The following CERK variants were observed in gnomAD, a reference collection of about 807,000 sequenced individuals.
CERK encodes the protein acylsphingosine kinase.
A neutral mutation model predicts 63.4 loss-of-function variants in CERK; 39 were observed. That is an observed-to-expected ratio of 0.61 (90% CI 0.48 to 0.80). The LOEUF (loss-of-function observed/expected upper bound fraction) is 0.80, where lower values mean the gene tolerates loss of function less well. Among genes scored for constraint, CERK ranks in the 30% least tolerant of loss-of-function variants. The pLI is 0.00. For synonymous variants in CERK, 302 were observed against 280.0 expected, an observed-to-expected ratio of 1.08 and a Z score of -0.78; for missense variants, 670 against 714.1, an observed-to-expected ratio of 0.94 and a Z score of 0.70.
intron 3 of CERK, 63 bp downstream of exon 3, chr22:46,720,022 CA>C (rs1290754876): frequency 6.4e-7 from 1 of 1,572,024 alleles, no homozygotes; most frequent in Non-Finnish European, 8.7e-7. Context: ...TCAGGAAGAT[CA>C]CCCAATCAGG....
chr22:46,699,516 C>T, intron 7 of CERK, 51 bp from the exon 8 acceptor site: 1 of 1,555,686 alleles, frequency 6.4e-7, no homozygotes, highest in Non-Finnish European at 8.8e-7. Flanking sequence ...CAGCCCCGCC[C>T]CATCCACTCC....
At chr22:46,718,061 G>C (rs1376681745) in intron 3 of CERK, among the ~76,000 whole-genome samples, 2 of 151,996 alleles carry the variant, frequency 1.3e-5, no homozygotes, top group African/African-American at 4.8e-5. Context: ...CCGGATGATG[G>C]AGTGAGATTG....
intron 8 of CERK, among the ~76,000 whole-genome samples, chr22:46,696,511 C>T (rs960015513): frequency 2.0e-5 from 3 of 152,118 alleles, no homozygotes; most frequent in African/African-American, 2.4e-5. Flanking sequence ...TCCAGGGTGG[C>T]GCCTCACCGA....
chr22:46,696,590 A>T (rs925778938), intron 8 of CERK, among the ~76,000 whole-genome samples: 3 of 151,954 alleles, frequency 2.0e-5, no homozygotes, highest in Non-Finnish European at 4.4e-5. Flanking sequence ...CTAAAACTCC[A>T]CGTGTCTCAA....
chr22:46,712,740 G>A lies in CERK; in HGVS notation c.380-447C>T, dbSNP rs546363813. Among the ~76,000 whole-genome samples, 3 of 152,280 alleles carry A rather than the reference G, an allele frequency of 2.0e-5. No homozygotes were observed. The East Asian group carries it at 5.8e-4, about 29-fold the overall frequency. On this transcript the variant is annotated intron_variant, in intron 3 of 12. Coordinates refer to ENST00000216264, the MANE Select transcript of CERK (RefSeq NM_022766.6). ...GAAGAAGCCACACAGGGAGATGCTT[G>A]CAGAGATGGAAAGACAGAAACCAGT...
chr22:46,702,508 G>T (rs1276923855), intron 6 of CERK, among the ~76,000 whole-genome samples: 1 of 152,092 alleles, frequency 6.6e-6, no homozygotes, highest in South Asian at 2.1e-4. Context: ...GGCCAGGCTG[G>T]TCTCTAACTG....
At position 46,712,289 on chromosome 22, in the gene CERK, G is replaced by A; in HGVS notation, c.384C>T (p.Ser128=). The A allele has an allele frequency of 1.2e-6, 2 of 1,613,770 alleles. No individual in the cohort carries two copies. The highest frequency in any genetic ancestry group is 1.6e-4 in the Middle Eastern group (1 of 6,062). ...TLREMLEKLT[S]RPKHLLVFIN... is the part of the protein sequence containing the mutation. Reference sequence around the variant, plus strand: ...TAAATACCAGTAAATGCTTTGGTCTGGACGCTGTAAGACAACAACATGTAA... The same window carrying A: ...TAAATACCAGTAAATGCTTTGGTCTAGACGCTGTAAGACAACAACATGTAA... The change falls in exon 4 of 13, where the codon TCC becomes TCT. Residue 128 remains serine, a synonymous_variant. Transcript: ENST00000216264.
intron 1 of CERK, among the ~76,000 whole-genome samples, chr22:46,730,690 G>C (rs1026475734): frequency 1.3e-5 from 2 of 152,214 alleles, no homozygotes; most frequent in East Asian, 3.8e-4. Flanking sequence ...CTCCTATTAA[G>C]TGAAGCCCTG....
At position 46,738,031 on chromosome 22, in the gene CERK, G is replaced by T; in HGVS notation, c.118C>A (p.Pro40Thr). The T allele has an allele frequency of 1.7e-6, 2 of 1,198,006 alleles. No individual in the cohort carries two copies. The highest frequency in any genetic ancestry group is 2.1e-6 in the Non-Finnish European group (2 of 968,910). The allele number at this position is 1,198,006 out of a possible 1,614,324, so 74.2% of individuals were successfully genotyped here. A position where few individuals can be genotyped will look rare whatever the true frequency, so the allele number is the denominator to read the frequency against. ...CCCGCGCCGGGGGCGCCGGCTCCGG[G>T]CCCCGGGCTCCGCCACCAGCGCAGC... is the stretch of plus-strand genomic sequence containing the variant. ...ALLRWWRSPG[P>T]GAGAPGADAC... Residue 40 changes from proline to threonine, a missense_variant, in exon 1 of 13, where the codon CCC becomes ACC. Transcript: ENST00000216264.
intron 2 of CERK, 151 bp from the exon 3 acceptor site, chr22:46,720,359 A>T (rs2082886094): frequency 1.1e-6 from 1 of 872,262 alleles, no homozygotes; most frequent in African/African-American, 1.7e-5. Context: ...CTTTCAAGGT[A>T]TATTAGAAAA....
Position 46,714,392 on chromosome 22 carries a change from T to C in CERK, c.380-2099A>G, listed in dbSNP as rs1433006587. Among the ~76,000 whole-genome samples, 1 of 151,936 alleles carries C rather than the reference T, an allele frequency of 6.6e-6. No individual in the cohort carries two copies. The highest frequency in any genetic ancestry group is 1.5e-5 in the Non-Finnish European group (1 of 67,968). ...CTGGGAGGTCGAGGCTGCAGTGAGC[T>C]ATGGTCGTGCCACTGCACTCCAGCC... is the stretch of plus-strand genomic sequence containing the variant. On this transcript the variant is annotated intron_variant, in intron 3 of 12. Transcript: ENST00000216264. This position sits in a 1 kb window ranked among gnomAD's most constrained non-coding sequence, Gnocchi z 4.4.
Position 46,691,632 on chromosome 22 carries a change from C to T in CERK, c.1272G>A (p.Arg424=). 6.2e-7 allele frequency: 1 copy of T among 1,613,976 alleles called. No homozygotes were observed. Among genetic ancestry groups the T allele is most frequent in the Non-Finnish European group, 8.5e-7 (1 of 1,180,036 alleles). Residue 424 remains arginine, a synonymous_variant, in exon 11 of 13, where the codon CGG becomes CGA. Coordinates refer to ENST00000216264, the MANE Select transcript of CERK (RefSeq NM_022766.6). ...TCAGAAAATTGAACCTGGAGCATTT[C>T]CGGATGAGGATGAGGTCAGAAGACC... is the stretch of plus-strand genomic sequence containing the variant. ...GDGSSDLILI[R]KCSRFNFLRF...
intron 8 of CERK, among the ~76,000 whole-genome samples, chr22:46,696,525 C>T (rs1191747757): frequency 6.6e-6 from 1 of 152,210 alleles, no homozygotes; most frequent in Admixed American, 6.5e-5. Context: ...TCACCGACAT[C>T]TGATGTCCCG....
chr22:46,710,014 G>A (rs1397034670), intron 5 of CERK, among the ~76,000 whole-genome samples: 2 of 152,146 alleles, frequency 1.3e-5, no homozygotes, highest in African/African-American at 2.4e-5. Context: ...CAAGAAGCCA[G>A]CTAGCCAATA....
At chr22:46,704,452 C>A (rs897123761) in intron 6 of CERK, among the ~76,000 whole-genome samples, 4 of 152,146 alleles carry the variant, frequency 2.6e-5, no homozygotes, top group Non-Finnish European at 5.9e-5. Context: ...AGTTAAAAGA[C>A]CAAAACCTAA....
intron 1 of CERK, among the ~76,000 whole-genome samples, chr22:46,724,112 C>G (rs1435579106): frequency 6.6e-6 from 1 of 152,198 alleles, no homozygotes; most frequent in Non-Finnish European, 1.5e-5. Context: ...TCCCTCCTCT[C>G]CTCTTCCTCC....
chr22:46,719,054 C>T (rs1309670345), intron 3 of CERK, among the ~76,000 whole-genome samples: 1 of 151,942 alleles, frequency 6.6e-6, no homozygotes, highest in Non-Finnish European at 1.5e-5. Context: ...GGTGACAGAG[C>T]GAGACCCTGT....
intron 3 of CERK, among the ~76,000 whole-genome samples, chr22:46,716,277 AC>A (rs2082865922): frequency 6.8e-6 from 1 of 148,122 alleles, no homozygotes; most frequent in South Asian, 2.1e-4. Flanking sequence ...TGCAACCTCC[AC>A]CCCCAGGGTT....
At chr22:46,710,914 A>ACTTTTCTGC (rs2082837533) in intron 5 of CERK, among the ~76,000 whole-genome samples, 172 bp downstream of exon 5, 2 of 152,292 alleles carry the variant, frequency 1.3e-5, no homozygotes, top group African/African-American at 4.8e-5. Context: ...GTGTGACTGC[A>ACTTTTCTGC]CTTTTCTGCC....
Sources: gnomAD v4.1 joint callset for allele counts (sites outside exome capture counted in the v4.1 genomes callset) on GRCh38, gnomAD v4.1.1 for gene constraint, Gnocchi (gnomAD v3.1) non-coding constraint, MANE v1.5 for transcripts, NCBI Gene and HGNC (gene_info 2026-07-23, HGNC 2026-07-21) for gene names.